The following TMCO6 variants were observed in gnomAD, a reference collection of about 807,000 sequenced individuals.
TMCO6 encodes the protein transmembrane and coiled-coil domain-containing protein 6.
Under a neutral mutation model 61.8 loss-of-function variants are expected in TMCO6, and 47 were observed. That is an observed-to-expected ratio of 0.76 (90% CI 0.60 to 0.97). The LOEUF (loss-of-function observed/expected upper bound fraction) is 0.97. Among genes scored for constraint, TMCO6 ranks in the 50% least tolerant of loss-of-function variants. The pLI is 0.00. For synonymous variants in TMCO6, 261 were observed against 254.2 expected, an observed-to-expected ratio of 1.03 and a Z score of -0.25; for missense variants, 557 against 601.6, an observed-to-expected ratio of 0.93 and a Z score of 0.78.
At chr5:140,611,124 C>A in the TMCO6 span, among the ~76,000 whole-genome samples, 50 of 152,118 alleles carry the variant, frequency 3.3e-4, no homozygotes, top group Non-Finnish European at 5.1e-4. Context: ...GGCTTCTAAC[C>A]AAGTTAGGTC....
At chr5:140,628,279 G>C in the TMCO6 span, among the ~76,000 whole-genome samples, 4 of 152,018 alleles carry the variant, frequency 2.6e-5, no homozygotes, top group South Asian at 4.2e-4. Flanking sequence ...CTCTTTCTTA[G>C]GTCTGTTTCT....
At chr5:140,601,203 G>T in the TMCO6 span, among the ~76,000 whole-genome samples, 1 of 152,156 alleles carries the variant, frequency 6.6e-6, no homozygotes, top group Non-Finnish European at 1.5e-5. Context: ...AGTGTATGTG[G>T]CTCCTATGTT....
downstream of TMCO6, among the ~76,000 whole-genome samples, chr5:140,646,570 T>C (rs1156849775): frequency 1.3e-5 from 2 of 152,182 alleles, no homozygotes; most frequent in African/African-American, 4.8e-5. Flanking sequence ...AAAGCTGTGA[T>C]TAAAATCCTG....
rs76244220 is a variant in TMCO6 at position 140,642,027 on chromosome 5, C to A, written c.472C>A (p.Leu158Ile). 4.6e-4 allele frequency: 736 copies of A among 1,611,356 alleles called. 5 individuals are homozygous for A. In the East Asian group the frequency reaches 0.012, roughly 27 times the overall value. The change falls in exon 4 of 12, where the codon CTC becomes ATC. Residue 158 changes from leucine (L) to isoleucine (I), a missense_variant. By Grantham distance (5) the Leu-to-Ile change is conservative. Coordinates refer to ENST00000394671, the MANE Select transcript of TMCO6 (RefSeq NM_018502.5). ...LPATSYLLTY[L>I]SSHSSDFIEL... is the part of the protein sequence containing the mutation. ...AGCCACTTCTTACCTCCTCACCTAC[C>A]TCTCCAGTCACAGCTCAGACTTCAT...
the TMCO6 span, chr5:140,632,200 G>T: frequency 1.5e-4 from 246 of 1,613,502 alleles, no homozygotes; most frequent in African/African-American, 2.9e-3. The surrounding 1 kb of genome is among the most constrained non-coding windows in gnomAD (Gnocchi z 6.2). Flanking sequence ...ACGGTGGCGC[G>T]CAGCGAGTTG....
chr5:140,596,620 C>T, the TMCO6 span, among the ~76,000 whole-genome samples: 1 of 152,190 alleles, frequency 6.6e-6, no homozygotes, highest in Non-Finnish European at 1.5e-5. Flanking sequence ...TCTGTGAATG[C>T]AACATCCAGT....
the TMCO6 span, among the ~76,000 whole-genome samples, chr5:140,599,367 C>T: frequency 6.6e-6 from 1 of 151,502 alleles, no homozygotes; most frequent in Non-Finnish European, 1.5e-5. Flanking sequence ...TAGGGGATCC[C>T]TTTAAGAGGG....
downstream of TMCO6, chr5:140,647,543 A>T (rs1468402919): frequency 2.4e-5 from 38 of 1,611,996 alleles, no homozygotes; most frequent in East Asian, 8.2e-4. Context: ...ACGCAGGCCC[A>T]GCTTTGCCCC....
chr5:140,628,789 G>T, the TMCO6 span, among the ~76,000 whole-genome samples: 1 of 152,132 alleles, frequency 6.6e-6, no homozygotes, highest in Non-Finnish European at 1.5e-5. Context: ...CACTATTCTT[G>T]TGCTGGGGGT....
At chr5:140,617,024 C>T in the TMCO6 span, among the ~76,000 whole-genome samples, 1,928 of 150,546 alleles carry the variant, frequency 0.013, 43 homozygotes, top group African/African-American at 0.045. Context: ...GTCTAGGCTA[C>T]GAAGCCAAAC....
upstream of TMCO6, among the ~76,000 whole-genome samples, chr5:140,635,247 T>C (rs1411133247): frequency 3.3e-5 from 5 of 152,226 alleles, no homozygotes; most frequent in East Asian, 9.6e-4. Flanking sequence ...CTCTGTGATA[T>C]CCCTGAGGAC....
intron 2 of TMCO6, chr5:140,641,016 A>G (rs2149791605): frequency 6.5e-6 from 1 of 154,616 alleles, no homozygotes; most frequent in Middle Eastern, 5.3e-4. Context: ...ACTTTATGCC[A>G]GGACACTGTG....
the TMCO6 span, among the ~76,000 whole-genome samples, chr5:140,618,589 T>C: frequency 6.6e-6 from 1 of 152,110 alleles, no homozygotes; most frequent in South Asian, 2.1e-4. Flanking sequence ...TATTATTACA[T>C]CACCCAGGTA....
chr5:140,632,914 G>T, the TMCO6 span: 1 of 1,614,184 alleles, frequency 6.2e-7, no homozygotes, highest in South Asian at 1.1e-5. This position sits in a 1 kb window ranked among gnomAD's most constrained non-coding sequence, Gnocchi z 6.2. Context: ...AGCTCACAAG[G>T]TTCTGGCGTG....
chr5:140,622,106 C>T, the TMCO6 span, among the ~76,000 whole-genome samples: 4 of 152,296 alleles, frequency 2.6e-5, no homozygotes, highest in African/African-American at 9.6e-5. Flanking sequence ...CGCACACTCC[C>T]TCTCCTTTTG....
intron 6 of TMCO6, 61 bp from the exon 7 acceptor site, chr5:140,642,864 G>T: frequency 6.2e-7 from 1 of 1,613,262 alleles, no homozygotes; most frequent in Non-Finnish European, 8.5e-7. Context: ...TGCTATCAGG[G>T]TTTGGTAAGA....
the TMCO6 span, among the ~76,000 whole-genome samples, chr5:140,619,107 C>A: frequency 6.6e-6 from 1 of 152,136 alleles, no homozygotes; most frequent in Non-Finnish European, 1.5e-5. Flanking sequence ...ATACAAAGAA[C>A]TTTTAAAACT....
At chr5:140,634,384 A>G in the TMCO6 span, among the ~76,000 whole-genome samples, 2 of 152,302 alleles carry the variant, frequency 1.3e-5, no homozygotes, top group Non-Finnish European at 2.9e-5. Flanking sequence ...ACAAAACAAA[A>G]AAACAACAAA....
At chr5:140,632,232 G>C in the TMCO6 span, 1 of 1,613,526 alleles carries the variant, frequency 6.2e-7, no homozygotes, top group South Asian at 1.1e-5. This position sits in a 1 kb window ranked among gnomAD's most constrained non-coding sequence, Gnocchi z 6.2. Flanking sequence ...TAGGCTGTGG[G>C]GCTGCACACC....
Sources: gnomAD v4.1 joint callset for allele counts (sites outside exome capture counted in the v4.1 genomes callset) on GRCh38, gnomAD v4.1.1 for gene constraint, Gnocchi (gnomAD v3.1) non-coding constraint, MANE v1.5 for transcripts, NCBI Gene and HGNC (gene_info 2026-07-23, HGNC 2026-07-21) for gene names.